The following DSE variants were observed in gnomAD, a reference collection of about 807,000 sequenced individuals.
The protein encoded by DSE is dermatan sulfate epimerase, also known as dermatan-sulfate epimerase.
DSE carries 36 observed loss-of-function variants against 84.4 expected under a neutral mutation model. The ratio of observed to expected loss-of-function variants is 0.43; its 90% CI spans 0.33 to 0.56. The LOEUF (loss-of-function observed/expected upper bound fraction) is 0.56. Among genes scored for constraint, DSE ranks in the 20% least tolerant of loss-of-function variants. The pLI is 0.06. For synonymous variants in DSE, 410 were observed against 430.1 expected, an observed-to-expected ratio of 0.95 and a Z score of 0.58; for missense variants, 862 against 1,169.6, an observed-to-expected ratio of 0.74 and a Z score of 3.84.
chr6:116,427,980 G>A (rs1482100421), intron 3 of DSE, among the ~76,000 whole-genome samples: 1 of 152,224 alleles, frequency 6.6e-6, no homozygotes, highest in Non-Finnish European at 1.5e-5. Flanking sequence ...CTTGAGGACA[G>A]GAGTTCGAGG....
intron 1 of DSE, among the ~76,000 whole-genome samples, chr6:116,376,374 G>C (rs545847567): frequency 7.2e-5 from 11 of 152,216 alleles, no homozygotes; most frequent in Non-Finnish European, 1.5e-4. Context: ...TGAGGGTGTG[G>C]ATTCCAGATC....
chr6:116,435,688 C>A lies in DSE; in HGVS notation c.1220C>A (p.Pro407His). Reference protein sequence around the residue: ...WGVVTYGSALPAEINRSFLSF... With the variant: ...WGVVTYGSALHAEINRSFLSF... ...GTCGTGACTTATGGAAGTGCACTAC[C>A]TGCAGAAATCAATAGATCTTTCCTT... The change falls in exon 6 of 6, where the codon CCT becomes CAT. Residue 407 changes from proline to histidine, a missense_variant. Transcript: ENST00000644252. 1 of 1,614,128 alleles carries A rather than the reference C, an allele frequency of 6.2e-7. No homozygotes were observed. The highest frequency in any genetic ancestry group is 8.5e-7 in the Non-Finnish European group (1 of 1,180,010).
intron 1 of DSE, among the ~76,000 whole-genome samples, chr6:116,385,885 A>G (rs1050200258): frequency 6.6e-6 from 1 of 152,242 alleles, no homozygotes; most frequent in African/African-American, 2.4e-5. Flanking sequence ...ATGCTTGTAT[A>G]TAAGTAAAGA....
At position 116,433,556 on chromosome 6, in the gene DSE, A is replaced by T; in HGVS notation, c.1118+6A>T. 1 of 1,587,522 alleles carries T rather than the reference A, an allele frequency of 6.3e-7. No individual in the cohort carries two copies. Among genetic ancestry groups the T allele is most frequent in the Non-Finnish European group, 8.6e-7 (1 of 1,165,368 alleles). ...CTGCACACAGAATTTCTCTGGTATGACACATTGGGCTAGCTTTAAAGAGAA... is the reference window on the plus strand; with the variant it reads ...CTGCACACAGAATTTCTCTGGTATGTCACATTGGGCTAGCTTTAAAGAGAA... On this transcript the variant is annotated splice_donor_region_variant and intron_variant, in intron 5 of 5. Transcript: ENST00000644252.
rs56696040 is a variant in DSE, at chr6:116,429,951, CAAAAAAAA to C, written c.671-991_671-984del. Among the ~76,000 whole-genome samples, 2 of 15,442 alleles carry C rather than the reference CAAAAAAAA, an allele frequency of 1.3e-4. 1 individual carries two copies. Among genetic ancestry groups the C allele is most frequent in the Non-Finnish European group, 2.4e-4 (2 of 8,232 alleles). The allele number at this position is 15,442 out of a possible 152,430, so 10.1% of individuals were successfully genotyped here. A position where few individuals can be genotyped will look rare whatever the true frequency, so the allele number is the denominator to read the frequency against. ...TGGGCCACAGAGCGAGACTCCGTCTCAAAAAAAAAAAAAAAAAAAGAAATATGAGGAGT... is the reference window on the plus strand; with the variant it reads ...TGGGCCACAGAGCGAGACTCCGTCTCAAAAAAAAAAAGAAATATGAGGAGT... On this transcript the variant is annotated intron_variant, in intron 3 of 5. Coordinates refer to ENST00000644252, the MANE Select transcript of DSE (RefSeq NM_013352.4).
At chr6:116,370,033 C>G (rs1474482044), upstream of DSE, 1 of 1,051,510 alleles carries the variant, frequency 9.5e-7, no homozygotes, top group African/African-American at 1.6e-5. Context: ...AGGTGATGGC[C>G]CTGATCCTAC....
chr6:116,328,226 G>C (rs2114781973), intron 2 of DSE, among the ~76,000 whole-genome samples: 1 of 152,350 alleles, frequency 6.6e-6, no homozygotes, highest in Middle Eastern at 3.4e-3. Context: ...TTAGGGGAGA[G>C]TCTGATTGTG....
At chr6:116,423,848 T>C (rs781486855) in intron 2 of DSE, among the ~76,000 whole-genome samples, 6 of 152,218 alleles carry the variant, frequency 3.9e-5, no homozygotes, top group Non-Finnish European at 8.8e-5. Flanking sequence ...TCTAATGATA[T>C]AGGGACAGAC....
chr6:116,331,556 A>G (rs781610104), intron 2 of DSE, among the ~76,000 whole-genome samples: 33 of 152,212 alleles, frequency 2.2e-4, no homozygotes, highest in Non-Finnish European at 1.5e-4. Context: ...TTACAATTCA[A>G]GATGAGGTTC....
At position 116,310,580 on chromosome 6, in the gene DSE, T is replaced by C. The variant is rs180829957; in HGVS notation, c.-54+51613T>C. On this transcript the variant is annotated intron_variant, in intron 2 of 3. Transcript: ENST00000430252. ...GTTCAGGAAAAAAACCAAGGAGTCA[T>C]CCTTCATTTCCCTCTTTTTCCTTTT... is the stretch of plus-strand genomic sequence containing the variant. 5.9e-3 allele frequency among the ~76,000 whole-genome samples: 895 copies of C among 152,212 alleles called. 9 individuals are homozygous for C. The highest frequency in any genetic ancestry group is 0.02 in the African/African-American group (837 of 41,504).
intron 1 of DSE, among the ~76,000 whole-genome samples, chr6:116,373,182 G>C (rs1161095598): frequency 1.3e-5 from 2 of 152,168 alleles, no homozygotes; most frequent in South Asian, 4.2e-4. Flanking sequence ...GTGAAACCCG[G>C]TCTCTACTAA....
chr6:116,282,254 C>T (rs1773588405), intron 2 of DSE, among the ~76,000 whole-genome samples: 1 of 152,192 alleles, frequency 6.6e-6, no homozygotes, highest in Admixed American at 6.5e-5. Context: ...TTGGAACTTT[C>T]CACAAAGACT....
chr6:116,387,898 G>A (rs1780665762), intron 1 of DSE, among the ~76,000 whole-genome samples: 1 of 152,184 alleles, frequency 6.6e-6, no homozygotes, highest in African/African-American at 2.4e-5. Flanking sequence ...TCAGGGAAGA[G>A]GAAGAGTGTG....
intron 2 of DSE, among the ~76,000 whole-genome samples, chr6:116,404,195 C>T (rs955271044): frequency 2.6e-5 from 4 of 152,020 alleles, no homozygotes; most frequent in East Asian, 1.9e-4. Context: ...AGTGATTTTC[C>T]GGAGCTAAAA....
At chr6:116,341,649 C>A (rs1459191992) in intron 2 of DSE, among the ~76,000 whole-genome samples, 1 of 152,046 alleles carries the variant, frequency 6.6e-6, no homozygotes, top group African/African-American at 2.4e-5. Flanking sequence ...GTCTTTAATC[C>A]ATCTTGAATT....
At chr6:116,428,454 T>G (rs376647594) in intron 3 of DSE, among the ~76,000 whole-genome samples, 2 of 152,324 alleles carry the variant, frequency 1.3e-5, no homozygotes. Context: ...TAAATAACAT[T>G]ATTCCAAATA....
intron 3 of DSE, among the ~76,000 whole-genome samples, chr6:116,428,945 T>C (rs992002311): frequency 6.6e-6 from 1 of 151,928 alleles, no homozygotes; most frequent in African/African-American, 2.4e-5. Context: ...TCACAGAGAG[T>C]TGCAGTTTAC....
At chr6:116,370,261 G>GCTTT (rs1211105563), upstream of DSE, 3 of 239,408 alleles carry the variant, frequency 1.3e-5, no homozygotes, top group African/African-American at 6.7e-5. Context: ...TACATTAAAT[G>GCTTT]CTTTGCTCCT....
intron 2 of DSE, chr6:116,279,101 C>A: frequency 1.9e-6 from 3 of 1,614,078 alleles, no homozygotes; most frequent in Non-Finnish European, 2.5e-6. Context: ...TCGGCCTGAG[C>A]ATTCACAGTG....
Sources: allele counts gnomAD v4.1 joint callset (sites outside exome capture counted in the v4.1 genomes callset), GRCh38; gene constraint gnomAD v4.1.1; transcripts MANE v1.5; gene names NCBI Gene and HGNC (gene_info 2026-07-23, HGNC 2026-07-21).